Variants in UTP20 observed in about 807,000 individuals in gnomAD.
UTP20 encodes the protein small subunit processome component 20 homolog.
UTP20 carries 164 observed loss-of-function variants against 329.5 expected under a neutral mutation model. That is an observed-to-expected ratio of 0.50 (90% CI 0.44 to 0.57). UTP20 has a LOEUF of 0.57. UTP20 is among the 20% of genes least tolerant of loss of function. The pLI is 0.00. For missense variants in UTP20, 3,055 were observed against 3,284.2 expected, an observed-to-expected ratio of 0.93 and a Z score of 1.71; for synonymous variants, 1,151 against 1,159.3, an observed-to-expected ratio of 0.99 and a Z score of 0.14.
intron 56 of UTP20, among the ~76,000 whole-genome samples, chr12:101,376,105 A>G (rs1171024590): frequency 1.3e-5 from 2 of 152,126 alleles, no homozygotes; most frequent in East Asian, 1.9e-4. Context: ...GTTTTGATGT[A>G]TGTACTTGTG....
Position 101,311,786 on chromosome 12 carries a change from G to A in UTP20, c.2299G>A (p.Ala767Thr). ...CTACTATGAGCATCTAGAAAAAGCA[G>A]CTACGCATGCTGGTATGTAAAGGGG... Reference protein sequence around the residue: ...KVYYEHLEKAATHAEKELQND... With the variant: ...KVYYEHLEKATTHAEKELQND... The change falls in exon 20 of 62, where the codon GCT becomes ACT. Residue 767 changes from alanine to threonine, a missense_variant. By Grantham distance (58) the Ala-to-Thr change is moderately conservative. Around this residue, in one of 3 missense-constraint regions of UTP20, gnomAD observed 2,445 missense variants for 2,575.5 expected, o/e 0.95. Transcript: ENST00000261637. 1 of 1,612,298 alleles carries A rather than the reference G, an allele frequency of 6.2e-7. No homozygotes were observed. Among genetic ancestry groups the A allele is most frequent in the Non-Finnish European group, 8.5e-7 (1 of 1,179,608 alleles).
chr12:101,346,807 G>T (rs904520794), intron 38 of UTP20, among the ~76,000 whole-genome samples: 2 of 152,148 alleles, frequency 1.3e-5, no homozygotes, highest in African/African-American at 4.8e-5. Context: ...CACAAAGGCC[G>T]AGCGCAAAAT....
chr12:101,299,950 C>T, intron 13 of UTP20, 23 bp from the exon 14 acceptor site: 2 of 1,612,806 alleles, frequency 1.2e-6, no homozygotes, highest in Non-Finnish European at 1.7e-6. Flanking sequence ...TTGAACTTTT[C>T]CCTTTTTCTC....
At chr12:101,346,310 C>T (rs896013540) in intron 37 of UTP20, 141 bp from the exon 38 acceptor site, 12 of 953,818 alleles carry the variant, frequency 1.3e-5, no homozygotes, top group Middle Eastern at 3.4e-4. Context: ...CTCGGCCTCC[C>T]GAGTGCTAGG....
At chr12:101,381,501 A>G (rs1338843139) in intron 58 of UTP20, among the ~76,000 whole-genome samples, 1 of 151,978 alleles carries the variant, frequency 6.6e-6, no homozygotes, top group East Asian at 1.9e-4. Context: ...ACGCCACTGC[A>G]CTCCATCCTA....
At chr12:101,313,263 C>A (rs576354523) in intron 21 of UTP20, among the ~76,000 whole-genome samples, 1 of 152,286 alleles carries the variant, frequency 6.6e-6, no homozygotes, top group South Asian at 2.1e-4. Context: ...CCATAAACCA[C>A]AACATGCCTG....
chr12:101,380,430 T>C (rs1015327803), intron 57 of UTP20, among the ~76,000 whole-genome samples: 3 of 152,016 alleles, frequency 2.0e-5, no homozygotes, highest in African/African-American at 4.8e-5. Context: ...GACCATGATA[T>C]ATGTGTCTCT....
chr12:101,291,015 C>T lies in UTP20; in HGVS notation c.891+127C>T, dbSNP rs879901379. The T allele has an allele frequency of 1.9e-5, 19 of 1,013,152 alleles. No individual in the cohort carries two copies. In the Admixed American group the frequency reaches 4.6e-4, roughly 24 times the overall value. 62.8% of individuals were successfully genotyped at this position (1,013,152 alleles called of 1,614,324 possible). A position where few individuals can be genotyped will look rare whatever the true frequency, so the allele number is the denominator to read the frequency against. On this transcript the variant is annotated intron_variant, in intron 8 of 61. Transcript: ENST00000261637. ...ATTGTTTTATTTATACTTCTGTACA[C>T]ATATTAAAATTTTCCTTCCCTCTGC...
rs559009878 is a variant in UTP20, at chr12:101,317,748, A to G, written c.2738+85A>G. On this transcript the variant is annotated intron_variant, in intron 22 of 61. Coordinates refer to ENST00000261637, the MANE Select transcript of UTP20 (RefSeq NM_014503.3). ...TCTCTTACGGCTTTATACAAAATCAACTACTCAGATAATTATTTACGTAAG... is the reference window on the plus strand; with the variant it reads ...TCTCTTACGGCTTTATACAAAATCAGCTACTCAGATAATTATTTACGTAAG... 9.0e-6 allele frequency: 12 copies of G among 1,334,500 alleles called. No individual in the cohort carries two copies. In the South Asian group the frequency reaches 1.6e-4, roughly 18 times the overall value. The allele number at this position is 1,334,500 out of a possible 1,614,324, so 82.7% of individuals were successfully genotyped here.
Position 101,342,841 on chromosome 12 carries a change from A to G in UTP20, c.4296+4A>G. ...ATATATTACTGATGTTGTCAAGGTAAGAAAGAAGGGTTTCTCTTTGGCTTC... is the reference window on the plus strand; with the variant it reads ...ATATATTACTGATGTTGTCAAGGTAGGAAAGAAGGGTTTCTCTTTGGCTTC... On this transcript the variant is annotated splice_donor_region_variant and intron_variant, in intron 34 of 61. Transcript: ENST00000261637. 6.2e-7 allele frequency: 1 copy of G among 1,613,104 alleles called. No individual in the cohort carries two copies. Among genetic ancestry groups the G allele is most frequent in the South Asian group, 1.1e-5 (1 of 90,678 alleles).
intron 44 of UTP20, 39 bp from the exon 45 acceptor site, chr12:101,363,537 G>C: frequency 6.3e-7 from 1 of 1,578,772 alleles, no homozygotes; most frequent in Non-Finnish European, 8.6e-7. Flanking sequence ...ATATCTTGCT[G>C]AGTGCATATA....
At position 101,372,888 on chromosome 12, in the gene UTP20, T is replaced by C. The variant is rs376562450; in HGVS notation, c.6803T>C (p.Phe2268Ser). Residue 2268 changes from phenylalanine (F) to serine (S), a missense_variant, in exon 52 of 62, where the codon TTT (phenylalanine) becomes TCT (serine). This residue lies in a region of UTP20 where 273 missense variants were observed against 363.1 expected (regional missense o/e 0.75). Coordinates refer to ENST00000261637, the MANE Select transcript of UTP20 (RefSeq NM_014503.3). Reference protein sequence around the residue: ...EPARVQCRQVFLKYILDYPLG... With the variant: ...EPARVQCRQVSLKYILDYPLG... ...CTGTGTGACTTTTGTTCCTAGGTTT[T>C]TCTGAAATATATTCTTGACTATCCC... The C allele has an allele frequency of 2.2e-5, 36 of 1,613,562 alleles. No homozygotes were observed. The highest frequency in any genetic ancestry group is 8.3e-5 in the Admixed American group (5 of 59,996).
At chr12:101,341,080 A>G (rs1593439827) in intron 32 of UTP20, among the ~76,000 whole-genome samples, 1 of 149,800 alleles carries the variant, frequency 6.7e-6, no homozygotes, top group Non-Finnish European at 1.5e-5. Context: ...GGTTCAAGCA[A>G]TTCTCCTGCC....
chr12:101,359,472 T>C (rs1869839017), intron 43 of UTP20, among the ~76,000 whole-genome samples: 1 of 140,320 alleles, frequency 7.1e-6, no homozygotes. Context: ...AGGCTGTGTG[T>C]GTGTGTGTGT....
At chr12:101,357,631 G>T (rs928113571) in intron 43 of UTP20, among the ~76,000 whole-genome samples, 1 of 152,180 alleles carries the variant, frequency 6.6e-6, no homozygotes, top group South Asian at 2.1e-4. Flanking sequence ...GCACACGTTT[G>T]TGGTCCCAGC....
chr12:101,364,759 A>C (rs1870038291), intron 45 of UTP20, among the ~76,000 whole-genome samples: 1 of 152,116 alleles, frequency 6.6e-6, no homozygotes, highest in Non-Finnish European at 1.5e-5. Flanking sequence ...CTCCATAATT[A>C]CTCCTAGAAT....
intron 15 of UTP20, among the ~76,000 whole-genome samples, chr12:101,305,149 A>C (rs1279792632): frequency 6.6e-6 from 1 of 151,752 alleles, no homozygotes; most frequent in Non-Finnish European, 1.5e-5. Context: ...GGAGAAAACC[A>C]GGGTTTTCTC....
chr12:101,371,262 C>A, intron 51 of UTP20, 94 bp downstream of exon 51: 1 of 907,646 alleles, frequency 1.1e-6, no homozygotes, highest in South Asian at 1.9e-5. Context: ...TGAAGACCAC[C>A]TTGTGTCGTA....
chr12:101,320,070 A>C (rs1389596080), intron 23 of UTP20, among the ~76,000 whole-genome samples: 1 of 152,240 alleles, frequency 6.6e-6, no homozygotes, highest in South Asian at 2.1e-4. Context: ...ATAAGCTTGC[A>C]GAAAAAAATT....
Sources: allele counts gnomAD v4.1 joint callset (sites outside exome capture counted in the v4.1 genomes callset), GRCh38; gene constraint gnomAD v4.1.1; regional missense constraint gnomAD v4.1.1; transcripts MANE v1.5; gene names NCBI Gene and HGNC (gene_info 2026-07-23, HGNC 2026-07-21).